The following PRKAR1B variants were observed in gnomAD, a reference collection of about 807,000 sequenced individuals.
PRKAR1B encodes protein kinase cAMP-dependent type I regulatory subunit beta, also known as cAMP-dependent protein kinase type I-beta regulatory subunit.
Under a neutral mutation model 46.5 loss-of-function variants are expected in PRKAR1B, and 22 were observed. That is an observed-to-expected ratio of 0.47 (90% CI 0.34 to 0.68). PRKAR1B has a LOEUF of 0.68. PRKAR1B is among the 30% of genes least tolerant of loss of function. The pLI is 0.01. For missense variants in PRKAR1B, 445 were observed against 535.6 expected (o/e 0.83, Z 1.67); for synonymous variants, 259 against 217.7 (o/e 1.19, Z -1.67).
chr7:707,005 C>T (rs1434104117), intron 2 of PRKAR1B, among the ~76,000 whole-genome samples: 7 of 152,226 alleles, frequency 4.6e-5, no homozygotes, highest in African/African-American at 1.7e-4. Context: ...GGGCTGCCGC[C>T]CTACCCAGAG....
chr7:711,270 T>TGCG, intron 2 of PRKAR1B, 59 bp downstream of exon 2: 1 of 1,590,998 alleles, frequency 6.3e-7, no homozygotes, highest in Non-Finnish European at 8.6e-7. Context: ...CTTCCCCGGC[T>TGCG]GCCGCCTCTG....
chr7:697,013 T>A (rs544835463), intron 2 of PRKAR1B: 2 of 152,416 alleles, frequency 1.3e-5, no homozygotes, highest in East Asian at 1.9e-4. Flanking sequence ...GTCTCCTGTT[T>A]TCATACTGAT....
intron 9 of PRKAR1B, among the ~76,000 whole-genome samples, chr7:557,651 C>A (rs1778530042): frequency 6.6e-6 from 1 of 152,218 alleles, no homozygotes; most frequent in African/African-American, 2.4e-5. Flanking sequence ...GCGGCCGCCG[C>A]AACCACCACG....
intron 6 of PRKAR1B, chr7:603,052 C>T (rs1781734101): frequency 6.6e-6 from 1 of 152,258 alleles, no homozygotes; most frequent in South Asian, 2.1e-4. Context: ...GTCTCTTCCA[C>T]ATCTGTTCAT....
rs1258385067 is a variant in PRKAR1B, at chr7:602,346, A to T, written c.549+3847T>A. On this transcript the variant is annotated intron_variant, in intron 6 of 10. Transcript: ENST00000537384. The surrounding 1 kb of genome is among the most constrained non-coding windows in gnomAD (Gnocchi z 6.4). ...GGAAGGGAGATGCCTCACTGAGTCC[A>T]GAGGTCGAGGGGTGGGTGGGGATTC... is the stretch of plus-strand genomic sequence containing the variant. Among the ~76,000 whole-genome samples, 1 of 151,766 alleles carries T rather than the reference A, an allele frequency of 6.6e-6. No homozygotes were observed. The highest frequency in any genetic ancestry group is 1.5e-5 in the Non-Finnish European group (1 of 67,902).
chr7:569,094 A>G (rs1779346338), intron 9 of PRKAR1B, among the ~76,000 whole-genome samples: 2 of 151,702 alleles, frequency 1.3e-5, no homozygotes. Flanking sequence ...GAGAGAAAAT[A>G]TCAAGGCAAA....
intron 1 of PRKAR1B, among the ~76,000 whole-genome samples, chr7:726,129 C>T (rs1236790912): frequency 6.6e-6 from 1 of 152,028 alleles, no homozygotes; most frequent in Non-Finnish European, 1.5e-5. Context: ...CTCTCTATTG[C>T]AATTCCCCTG....
In PRKAR1B at chr7:585,632, A is replaced by G. The variant is rs181926472; in HGVS notation, c.709-1064T>C. ...GGGAGGAGGGAACTTGCTGTGTTGA[A>G]CGCCCACTCCAGGTCAGGGAGGGGG... On this transcript the variant is annotated intron_variant, in intron 7 of 10. Transcript: ENST00000537384. Among the ~76,000 whole-genome samples the G allele has an allele frequency of 1.4e-3, 207 of 152,066 alleles. 3 individuals are homozygous for G. The highest frequency in any genetic ancestry group is 4.8e-3 in the African/African-American group (200 of 41,468).
intron 7 of PRKAR1B, among the ~76,000 whole-genome samples, chr7:588,502 CAG>C (rs1387719051): frequency 2.3e-5 from 3 of 132,802 alleles, no homozygotes; most frequent in African/African-American, 6.0e-5. Flanking sequence ...AGGATAGTGA[CAG>C]TGGTGATCAC....
intron 4 of PRKAR1B, among the ~76,000 whole-genome samples, chr7:641,606 C>T (rs1279325732): frequency 6.6e-6 from 1 of 152,082 alleles, no homozygotes; most frequent in Non-Finnish European, 1.5e-5. Flanking sequence ...TGGCAGGGAG[C>T]GGGCGGTGAT....
chr7:569,170 C>A (rs1253261575), intron 9 of PRKAR1B, among the ~76,000 whole-genome samples: 2 of 152,144 alleles, frequency 1.3e-5, no homozygotes, highest in Admixed American at 1.3e-4. Flanking sequence ...GCGTCCCTGT[C>A]TCAGTCCGCA....
chr7:641,928 G>T (rs1021720819), intron 4 of PRKAR1B, among the ~76,000 whole-genome samples: 2 of 151,796 alleles, frequency 1.3e-5, no homozygotes, highest in African/African-American at 2.4e-5. Flanking sequence ...TTTTGAGACA[G>T]GGTCTCACTC....
At chr7:702,778 G>T (rs537547094) in intron 2 of PRKAR1B, among the ~76,000 whole-genome samples, 3 of 152,132 alleles carry the variant, frequency 2.0e-5, no homozygotes, top group Non-Finnish European at 4.4e-5. Flanking sequence ...AGCGGAGATT[G>T]TGCCACTGCA....
chr7:659,317 C>A (rs74487101), intron 4 of PRKAR1B, among the ~76,000 whole-genome samples: 4,439 of 152,214 alleles, frequency 0.029, 244 homozygotes, highest in African/African-American at 0.1. Context: ...ACCCCTCGGG[C>A]GGGGTCTGGC....
chr7:584,836 C>T (rs753471016), intron 7 of PRKAR1B, among the ~76,000 whole-genome samples: 2 of 152,086 alleles, frequency 1.3e-5, no homozygotes, highest in South Asian at 2.1e-4. Context: ...CCCACCCAGC[C>T]AGGACCCGTG....
chr7:624,310 G>A (rs1022173362), intron 4 of PRKAR1B, among the ~76,000 whole-genome samples: 1 of 152,130 alleles, frequency 6.6e-6, no homozygotes, highest in Non-Finnish European at 1.5e-5. Flanking sequence ...ACATGTGCCT[G>A]TAATCCCAGC....
At chr7:654,413 C>T (rs565741298) in intron 4 of PRKAR1B, among the ~76,000 whole-genome samples, 2 of 151,628 alleles carry the variant, frequency 1.3e-5, no homozygotes, top group Non-Finnish European at 2.9e-5. Context: ...ATCTTCATCA[C>T]CATCACCATC....
chr7:694,139 A>G (rs1779596181), intron 2 of PRKAR1B, among the ~76,000 whole-genome samples: 1 of 152,018 alleles, frequency 6.6e-6, no homozygotes, highest in Non-Finnish European at 1.5e-5. Flanking sequence ...AAAAAAATTA[A>G]CTGGACTTGG....
chr7:606,759 A>T (rs1213289095), intron 5 of PRKAR1B, among the ~76,000 whole-genome samples: 1 of 126,770 alleles, frequency 7.9e-6, no homozygotes, highest in Non-Finnish European at 1.7e-5. Flanking sequence ...CACAATGAGA[A>T]TTTTATGCGT....
Sources: gnomAD v4.1 joint callset for allele counts (sites outside exome capture counted in the v4.1 genomes callset) on GRCh38, gnomAD v4.1.1 for gene constraint, Gnocchi (gnomAD v3.1) non-coding constraint, MANE v1.5 for transcripts, NCBI Gene and HGNC (gene_info 2026-07-23, HGNC 2026-07-21) for gene names.